ANKS1A: variants seen among roughly 807,000 people sequenced by gnomAD.
ANKS1A encodes ankyrin repeat and SAM domain-containing protein 1A.
In ANKS1A, 55 loss-of-function variants were observed where a neutral mutation model predicts 120.3. The ratio of observed to expected loss-of-function variants is 0.46; its 90% confidence interval spans 0.37 to 0.57. The LOEUF (loss-of-function observed/expected upper bound fraction) is 0.57. Among genes scored for constraint, ANKS1A ranks in the 20% least tolerant of loss-of-function variants. The pLI, the probability that ANKS1A is intolerant of heterozygous loss-of-function variation, is 0.00. For missense variants in ANKS1A, 1,123 were observed against 1,480.3 expected (o/e 0.76, Z 3.96); for synonymous variants, 590 against 604.7 (o/e 0.98, Z 0.36).
intron 11 of ANKS1A, among the ~76,000 whole-genome samples, chr6:35,048,688 G>T (rs1345601657): frequency 6.6e-6 from 1 of 152,192 alleles, no homozygotes; most frequent in Non-Finnish European, 1.5e-5. Flanking sequence ...CTGCTAAGAG[G>T]CAGAAGACAG....
At chr6:34,969,951 G>A in intron 2 of ANKS1A, 59 bp from the exon 3 acceptor site, 3 of 1,582,850 alleles carry the variant, frequency 1.9e-6, no homozygotes, top group Admixed American at 1.7e-5. Flanking sequence ...GGTGTAAAGA[G>A]CTGTTAGCTG....
intron 15 of ANKS1A, 52 bp from the exon 16 acceptor site, chr6:35,079,769 T>A: frequency 6.2e-7 from 1 of 1,606,592 alleles, no homozygotes; most frequent in Non-Finnish European, 8.5e-7. Flanking sequence ...TGGAGCGGAC[T>A]GTGAGTGAGT....
intron 13 of ANKS1A, among the ~76,000 whole-genome samples, chr6:35,070,717 C>T (rs540298821): frequency 2.6e-5 from 4 of 152,118 alleles, no homozygotes; most frequent in African/African-American, 4.8e-5. Context: ...ATCTCCTGAC[C>T]TCGTGATCTG....
At chr6:35,080,715 CTTTG>C (rs766808586) in intron 16 of ANKS1A, among the ~76,000 whole-genome samples, 4 of 152,200 alleles carry the variant, frequency 2.6e-5, no homozygotes, top group South Asian at 2.1e-4. Context: ...CAAGGGGGTG[CTTTG>C]TTTGGTCATG....
At position 34,889,564 on chromosome 6, in the gene ANKS1A, C is replaced by T. The variant is rs780853347; in HGVS notation, c.162C>T (p.Leu54=). 2.8e-5 allele frequency: 36 copies of T among 1,279,870 alleles called. No individual in the cohort carries two copies. Among genetic ancestry groups the T allele is most frequent in the Non-Finnish European group, 2.0e-6 (2 of 1,023,610 alleles). The allele number at this position is 1,279,870 out of a possible 1,614,324, so 79.3% of individuals were successfully genotyped here. Residue 54 remains leucine, a synonymous_variant, in exon 1 of 24, where the codon CTC becomes CTT. Coordinates refer to ENST00000360359, the MANE Select transcript of ANKS1A (RefSeq NM_015245.3). This position sits in a 1 kb window ranked among gnomAD's most constrained non-coding sequence, Gnocchi z 5.5. The stretch of plus-strand genomic sequence containing the variant: ...GCAGCGGCGGCGGCGGCGGCGGCCT[C>T]GGCTCTTCCAGCCACCCCCTCTCCA... The part of the protein sequence containing the change: ...GGGSGGGGGG[L]GSSSHPLSSL...
Position 34,889,420 on chromosome 6 carries a change from G to A in ANKS1A, c.18G>A (p.Glu6=), listed in dbSNP as rs1766673855. Residue 6 remains glutamate, a synonymous_variant, in exon 1 of 24, where the codon GAG becomes GAA. Transcript: ENST00000360359. This position sits in a 1 kb window ranked among gnomAD's most constrained non-coding sequence, Gnocchi z 5.5. The part of the protein sequence containing the change: MGKEQ[E]LLEAARTGHL... Reference sequence around the variant, plus strand: ...CCCTGGGGATGGGGAAGGAGCAGGAGCTGCTGGAGGCGGCCCGCACCGGGC... The same window carrying A: ...CCCTGGGGATGGGGAAGGAGCAGGAACTGCTGGAGGCGGCCCGCACCGGGC... 3 of 1,283,848 alleles carry A rather than the reference G, an allele frequency of 2.3e-6. No homozygotes were observed. Among genetic ancestry groups the A allele is most frequent in the Admixed American group, 3.9e-5 (1 of 25,336 alleles). The allele number at this position is 1,283,848 out of a possible 1,614,324, so 79.5% of individuals were successfully genotyped here.
intron 1 of ANKS1A, among the ~76,000 whole-genome samples, chr6:34,900,841 T>G (rs1767313275): frequency 6.6e-6 from 1 of 151,624 alleles, no homozygotes; most frequent in Non-Finnish European, 1.5e-5. Flanking sequence ...TGAGGTAGGC[T>G]CATTAAAAAA....
chr6:34,959,455 G>A (rs1770527423), intron 1 of ANKS1A, among the ~76,000 whole-genome samples: 1 of 152,122 alleles, frequency 6.6e-6, no homozygotes, highest in Non-Finnish European at 1.5e-5. Flanking sequence ...CTCTGTTCTT[G>A]GAAACATGAG....
At chr6:34,900,510 C>G (rs945529939) in intron 1 of ANKS1A, among the ~76,000 whole-genome samples, 4 of 151,886 alleles carry the variant, frequency 2.6e-5, no homozygotes, top group Admixed American at 6.6e-5. Context: ...AGGTTGGTCT[C>G]AAGTTCTGGA....
At chr6:34,978,720 G>A (rs933303304) in intron 3 of ANKS1A, among the ~76,000 whole-genome samples, 12 of 148,356 alleles carry the variant, frequency 8.1e-5, no homozygotes, top group Non-Finnish European at 1.6e-4. Flanking sequence ...CAGGAGAATC[G>A]CTTGAACCTG....
chr6:34,921,981 C>T lies in ANKS1A; in HGVS notation c.197+32382C>T, dbSNP rs146868384. On this transcript the variant is annotated intron_variant, in intron 1 of 23. Coordinates refer to ENST00000360359, the MANE Select transcript of ANKS1A (RefSeq NM_015245.3). ...AAGGTACTGGGACTACAGGTGTGAG[C>T]CACTGCTTCTAGCCAGGACATCTTA... Among the ~76,000 whole-genome samples the T allele has an allele frequency of 3.7e-3, 565 of 151,950 alleles. 1 individual carries two copies. Among genetic ancestry groups the T allele is most frequent in the South Asian group, 0.017 (80 of 4,804 alleles).
rs143164274 is a variant in ANKS1A, at chr6:35,055,963, G to A, written c.2077+1798G>A. 5.6e-3 allele frequency among the ~76,000 whole-genome samples: 852 copies of A among 152,300 alleles called. 5 individuals are homozygous for A. Among genetic ancestry groups the A allele is most frequent in the Non-Finnish European group, 8.8e-3 (600 of 68,028 alleles). On this transcript the variant is annotated intron_variant, in intron 12 of 23. Coordinates refer to ENST00000360359, the MANE Select transcript of ANKS1A (RefSeq NM_015245.3). Reference sequence around the variant, plus strand: ...GCTTTTCCAAGGGTCAAGTGTTTGCGGGAAATGGATGTTCAGGACTGAGAC... The same window carrying A: ...GCTTTTCCAAGGGTCAAGTGTTTGCAGGAAATGGATGTTCAGGACTGAGAC...
intron 1 of ANKS1A, among the ~76,000 whole-genome samples, chr6:34,912,959 G>A (rs1038169808): frequency 2.6e-5 from 4 of 152,150 alleles, no homozygotes; most frequent in African/African-American, 9.7e-5. Context: ...GGTTCCTTAA[G>A]GTTGAGTTTC....
At chr6:34,930,879 C>CTT (rs1224588141) in intron 1 of ANKS1A, among the ~76,000 whole-genome samples, 3 of 139,164 alleles carry the variant, frequency 2.2e-5, no homozygotes, top group Admixed American at 7.3e-5. Context: ...CACATAAAGT[C>CTT]TTTTTTTTTT....
intron 12 of ANKS1A, among the ~76,000 whole-genome samples, chr6:35,059,837 C>G (rs548284502): frequency 3.9e-5 from 6 of 152,146 alleles, no homozygotes; most frequent in African/African-American, 1.4e-4. Flanking sequence ...TGGCTTCCCC[C>G]ACCCCCGACC....
intron 9 of ANKS1A, among the ~76,000 whole-genome samples, chr6:34,992,614 A>G (rs1391249108): frequency 1.3e-5 from 2 of 152,222 alleles, no homozygotes; most frequent in African/African-American, 2.4e-5. Context: ...TGTGGTATTA[A>G]GTTGACACAG....
chr6:34,980,274 C>T (rs1771836299), intron 3 of ANKS1A, among the ~76,000 whole-genome samples: 1 of 152,260 alleles, frequency 6.6e-6, no homozygotes, highest in Non-Finnish European at 1.5e-5. Flanking sequence ...GCAGCTTCCT[C>T]TGCATCCTCT....
intron 13 of ANKS1A, among the ~76,000 whole-genome samples, chr6:35,063,847 G>A (rs1198016581): frequency 6.6e-6 from 1 of 152,236 alleles, no homozygotes; most frequent in Non-Finnish European, 1.5e-5. Flanking sequence ...AGCACCGCCA[G>A]CAGAGGAGGA....
At chr6:35,097,662 A>G in the ANKS1A span, among the ~76,000 whole-genome samples, 1 of 144,026 alleles carries the variant, frequency 6.9e-6, no homozygotes, top group Admixed American at 6.8e-5. Flanking sequence ...AAAAAAACAC[A>G]TACACACACA....
Sources: allele counts gnomAD v4.1 joint callset (sites outside exome capture counted in the v4.1 genomes callset), GRCh38; gene constraint gnomAD v4.1.1; non-coding constraint Gnocchi (gnomAD v3.1); transcripts MANE v1.5; gene names NCBI Gene and HGNC (gene_info 2026-07-23, HGNC 2026-07-21).